PIEZO2: variants seen among roughly 807,000 people sequenced by gnomAD.
PIEZO2 encodes the protein piezo-type mechanosensitive ion channel component 2.
In PIEZO2, 172 loss-of-function variants were observed where a neutral mutation model predicts 337.3. The observed-to-expected ratio is 0.51, with a 90% CI of 0.45 to 0.58. PIEZO2 has a LOEUF of 0.58. Ranked by LOEUF, PIEZO2 falls within the 20% of genes least tolerant of loss-of-function variation. The pLI is 0.00. For synonymous variants in PIEZO2, 1,251 were observed against 1,228.5 expected (o/e 1.02, Z -0.38); for missense variants, 3,028 against 3,391.3 (o/e 0.89, Z 2.66).
chr18:11,046,079 C>A (rs576761527), intron 2 of PIEZO2, among the ~76,000 whole-genome samples: 1 of 152,276 alleles, frequency 6.6e-6, no homozygotes, highest in East Asian at 1.9e-4. Context: ...GGCAACTGTC[C>A]CCTAACCTCC....
At position 10,744,272 on chromosome 18, in the gene PIEZO2, C is replaced by T. The variant is rs944818538; in HGVS notation, c.4425-41G>A. The T allele has an allele frequency of 5.6e-6, 7 of 1,258,964 alleles. No individual in the cohort carries two copies. The African/African-American group carries it at 9.0e-5, about 16-fold the overall frequency. 78.0% of individuals were successfully genotyped at this position (1,258,964 alleles called of 1,614,324 possible). On this transcript the variant is annotated intron_variant, in intron 30 of 55. Transcript: ENST00000674853. ...AAACATGAACAAGTCAATATTCTTG[C>T]CATTGTTGTTCCCCTTTTCCTGAAA...
Position 10,943,342 on chromosome 18 carries a change from G to T in PIEZO2, c.287-32114C>A, listed in dbSNP as rs2032824269. On this transcript the variant is annotated intron_variant, in intron 3 of 55. Coordinates refer to ENST00000674853, the MANE Select transcript of PIEZO2 (RefSeq NM_001378183.1). This position sits in a 1 kb window ranked among gnomAD's most constrained non-coding sequence, Gnocchi z 4.5. ...GCAGCCAAGAGGGAGGCTGTACCCT[G>T]CAAAGCCCCAGGGGTGGAGTTACCC... Among the ~76,000 whole-genome samples, 1 of 152,184 alleles carries T rather than the reference G, an allele frequency of 6.6e-6. No homozygotes were observed. The highest frequency in any genetic ancestry group is 1.5e-5 in the Non-Finnish European group (1 of 68,036).
chr18:10,698,689 A>G (rs1361471052), intron 44 of PIEZO2, among the ~76,000 whole-genome samples: 1 of 152,192 alleles, frequency 6.6e-6, no homozygotes, highest in African/African-American at 2.4e-5. Context: ...CATTTTTCAC[A>G]ATTATCTGAA....
chr18:11,058,477 G>A (rs1028026388), intron 2 of PIEZO2, among the ~76,000 whole-genome samples: 1 of 152,142 alleles, frequency 6.6e-6, no homozygotes, highest in African/African-American at 2.4e-5. Flanking sequence ...AAACTACTCT[G>A]AGCTAAAGGA....
intron 49 of PIEZO2, among the ~76,000 whole-genome samples, chr18:10,687,804 G>T (rs1239138904): frequency 2.6e-5 from 4 of 152,110 alleles, no homozygotes; most frequent in Non-Finnish European, 5.9e-5. Context: ...GAGAGGCCTG[G>T]CTAAGAGCCA....
In PIEZO2 at chr18:10,740,809, C is replaced by A. The variant is rs60155433; in HGVS notation, c.4708+222G>T. The A allele has an allele frequency of 0.24, 160,362 of 674,454 alleles. 20,261 individuals carry two copies. Among genetic ancestry groups the A allele is most frequent in the Non-Finnish European group, 0.27 (101,501 of 370,702 alleles). The allele number at this position is 674,454 out of a possible 1,614,324, so 41.8% of individuals were successfully genotyped here. ...AAGCCACGTGTTTGGCTTTCTACAG[C>A]CAGCACAAGAATGTCAGAACGTCTG... On this transcript the variant is annotated intron_variant, in intron 33 of 55. Transcript: ENST00000674853.
chr18:10,898,278 G>C (rs573578087), intron 4 of PIEZO2, among the ~76,000 whole-genome samples: 2 of 152,062 alleles, frequency 1.3e-5, no homozygotes, highest in Non-Finnish European at 2.9e-5. Flanking sequence ...AAAACTAGCC[G>C]GGCGTGGTGG....
intron 2 of PIEZO2, among the ~76,000 whole-genome samples, chr18:11,065,735 G>T (rs527433498): frequency 2.0e-5 from 3 of 152,258 alleles, no homozygotes; most frequent in East Asian, 1.9e-4. Flanking sequence ...ATCAAATGCT[G>T]CTCGGCCTCT....
intron 1 of PIEZO2, among the ~76,000 whole-genome samples, chr18:11,106,750 C>T (rs2039580624): frequency 6.6e-6 from 1 of 152,106 alleles, no homozygotes; most frequent in South Asian, 2.1e-4. Flanking sequence ...CAGTGAATGC[C>T]TTCACAAATA....
intron 36 of PIEZO2, among the ~76,000 whole-genome samples, chr18:10,720,553 G>T (rs1043387865): frequency 5.5e-5 from 8 of 146,388 alleles, no homozygotes; most frequent in African/African-American, 2.0e-4. Context: ...GACCTCCAGG[G>T]CCCAAGTGAT....
intron 7 of PIEZO2, among the ~76,000 whole-genome samples, chr18:10,811,895 G>T (rs928994283): frequency 2.0e-5 from 3 of 152,126 alleles, no homozygotes; most frequent in Non-Finnish European, 2.9e-5. Flanking sequence ...GTGCAGTGGT[G>T]CGATCTCCGC....
chr18:10,855,602 A>G lies in PIEZO2; in HGVS notation c.704-36T>C. 1.4e-6 allele frequency: 2 copies of G among 1,449,956 alleles called. No individual in the cohort carries two copies. 89.8% of individuals were successfully genotyped at this position (1,449,956 alleles called of 1,614,324 possible). ...GAAACGTAATCACAAAGTCAGGTAG[A>G]ACTGGAAATTCACTTATCATTCAGT... On this transcript the variant is annotated intron_variant, in intron 6 of 55. Coordinates refer to ENST00000674853, the MANE Select transcript of PIEZO2 (RefSeq NM_001378183.1). This position sits in a 1 kb window ranked among gnomAD's most constrained non-coding sequence, Gnocchi z 4.9.
chr18:10,926,690 C>T (rs2031760107), intron 3 of PIEZO2, among the ~76,000 whole-genome samples: 1 of 152,128 alleles, frequency 6.6e-6, no homozygotes, highest in African/African-American at 2.4e-5. Flanking sequence ...CATGTCCGGG[C>T]CATTTTCTGC....
Position 11,101,562 on chromosome 18 carries a change from G to A in PIEZO2, c.65-35340C>T, listed in dbSNP as rs571737058. ...AACATATCAATAATTCTTAAAAGAC[G>A]TTCCAGTGTAGAGGTGTTGAAATTT... On this transcript the variant is annotated intron_variant, in intron 1 of 55. Transcript: ENST00000674853. The surrounding 1 kb of genome is among the most constrained non-coding windows in gnomAD (Gnocchi z 4.4). 1.4e-4 allele frequency among the ~76,000 whole-genome samples: 21 copies of A among 152,244 alleles called. No homozygotes were observed. Among genetic ancestry groups the A allele is most frequent in the African/African-American group, 4.3e-4 (18 of 41,536 alleles).
rs777862246 is a variant in PIEZO2 at position 10,943,513 on chromosome 18, T to C, written c.287-32285A>G. Among the ~76,000 whole-genome samples, 9 of 152,098 alleles carry C rather than the reference T, an allele frequency of 5.9e-5. No homozygotes were observed. Among genetic ancestry groups the C allele is most frequent in the Non-Finnish European group, 1.2e-4 (8 of 68,004 alleles). ...CCTGTAGCACCTTAGTTTTGGCCAA[T>C]TTCTGCCATTTGGAATGGCTTTATT... On this transcript the variant is annotated intron_variant, in intron 3 of 55. Transcript: ENST00000674853. This position sits in a 1 kb window ranked among gnomAD's most constrained non-coding sequence, Gnocchi z 4.5.
At chr18:10,753,656 C>T (rs1345368320) in intron 27 of PIEZO2, among the ~76,000 whole-genome samples, 1 of 152,082 alleles carries the variant, frequency 6.6e-6, no homozygotes, top group Non-Finnish European at 1.5e-5. Flanking sequence ...ATAGGAGAAC[C>T]AATTCTGGAT....
intron 2 of PIEZO2, among the ~76,000 whole-genome samples, chr18:11,049,726 TGG>T (rs2037452309): frequency 6.6e-6 from 1 of 152,168 alleles, no homozygotes; most frequent in Non-Finnish European, 1.5e-5. Context: ...CCCTTTTGCT[TGG>T]CTCTCCTTCT....
At chr18:10,742,681 T>C (rs759254630) in intron 31 of PIEZO2, 66 bp from the exon 32 acceptor site, 50 of 1,501,272 alleles carry the variant, frequency 3.3e-5, no homozygotes, top group Non-Finnish European at 3.6e-5. Context: ...GTCAGTACTT[T>C]GGACTTATGC....
rs2041906861 is a variant in PIEZO2, at chr18:10,862,680, C to T, written c.493-5469G>A. Among the ~76,000 whole-genome samples, 1 of 152,178 alleles carries T rather than the reference C, an allele frequency of 6.6e-6. No individual in the cohort carries two copies. Among genetic ancestry groups the T allele is most frequent in the Admixed American group, 6.5e-5 (1 of 15,270 alleles). ...ACCTTTAAGAGGGCAGATGACCAGGCTCAACCTCAAACTTACTAAATCAGA... is the reference window on the plus strand; with the variant it reads ...ACCTTTAAGAGGGCAGATGACCAGGTTCAACCTCAAACTTACTAAATCAGA... On this transcript the variant is annotated intron_variant, in intron 5 of 55. Coordinates refer to ENST00000674853, the MANE Select transcript of PIEZO2 (RefSeq NM_001378183.1). This position sits in a 1 kb window ranked among gnomAD's most constrained non-coding sequence, Gnocchi z 4.4.
Sources: allele counts gnomAD v4.1 joint callset (sites outside exome capture counted in the v4.1 genomes callset), GRCh38; gene constraint gnomAD v4.1.1; non-coding constraint Gnocchi (gnomAD v3.1); transcripts MANE v1.5; gene names NCBI Gene and HGNC (gene_info 2026-07-23, HGNC 2026-07-21).